WDTC1: variants seen among roughly 807,000 people sequenced by gnomAD.
WDTC1 encodes the protein WD and tetratricopeptide repeats 1, also known as WD and tetratricopeptide repeats protein 1.
In WDTC1, 12 loss-of-function variants were observed where a neutral mutation model predicts 76.0. That is an observed-to-expected ratio of 0.16 (90% CI 0.10 to 0.26). The LOEUF (loss-of-function observed/expected upper bound fraction) is 0.26, where lower values mean the gene tolerates loss of function less well. Ranked by LOEUF, WDTC1 falls within the 10% of genes least tolerant of loss-of-function variation. The pLI is 1.00. For synonymous variants in WDTC1, 326 were observed against 350.8 expected (o/e 0.93, Z 0.79); for missense variants, 511 against 908.8 (o/e 0.56, Z 5.63).
intron 3 of WDTC1, among the ~76,000 whole-genome samples, chr1:27,268,238 C>G (rs1224322782): frequency 6.6e-6 from 1 of 151,898 alleles, no homozygotes; most frequent in African/African-American, 2.4e-5. Context: ...CTCAGGAGTT[C>G]GAGACCAGCC....
At chr1:27,290,908 G>A (rs780943966) in intron 6 of WDTC1, among the ~76,000 whole-genome samples, 4 of 152,236 alleles carry the variant, frequency 2.6e-5, no homozygotes, top group Admixed American at 6.5e-5. Context: ...GTATTTGACT[G>A]GGGTAAGTCA....
chr1:27,234,514 G>T (rs2011443046), upstream of WDTC1: 2 of 353,760 alleles, frequency 5.7e-6, no homozygotes, highest in Non-Finnish European at 1.0e-5. Flanking sequence ...GCGCGGGGGG[G>T]TAAGTGGGGG....
At chr1:27,246,379 A>G (rs959065882) in intron 1 of WDTC1, among the ~76,000 whole-genome samples, 39 of 152,242 alleles carry the variant, frequency 2.6e-4, no homozygotes, top group African/African-American at 8.9e-4. Context: ...AGTTTCTTCC[A>G]TGTTGTTGTA....
chr1:27,243,402 A>G (rs1219589427), intron 1 of WDTC1, among the ~76,000 whole-genome samples: 3 of 151,808 alleles, frequency 2.0e-5, no homozygotes, highest in Admixed American at 1.3e-4. Context: ...TAATAGAGAC[A>G]GGGTTTCACC....
chr1:27,284,554 A>G (rs954238265), intron 5 of WDTC1, among the ~76,000 whole-genome samples: 1 of 152,154 alleles, frequency 6.6e-6, no homozygotes, highest in African/African-American at 2.4e-5. Flanking sequence ...TTATATGACT[A>G]ACGGAAACTG....
intron 14 of WDTC1, chr1:27,304,020 C>A: frequency 1.9e-6 from 1 of 526,342 alleles, no homozygotes. Flanking sequence ...ATAAGATAAC[C>A]CAAGTAGAGC....
rs145981380 is a variant in WDTC1 at position 27,298,507 on chromosome 1, T to C, written c.1232+396T>C. 1.8e-3 allele frequency among the ~76,000 whole-genome samples: 272 copies of C among 152,276 alleles called. 2 individuals carry two copies. The highest frequency in any genetic ancestry group is 5.1e-3 in the African/African-American group (210 of 41,564). On this transcript the variant is annotated intron_variant, in intron 12 of 15. Transcript: ENST00000319394. Reference sequence around the variant, plus strand: ...GAAATGAGGGGTTTGGTGAATTCAGTTGGTATGTGTCTAAAATATTCTGCA... The same window carrying C: ...GAAATGAGGGGTTTGGTGAATTCAGCTGGTATGTGTCTAAAATATTCTGCA...
In WDTC1 at chr1:27,294,645, G is replaced by A; in HGVS notation, c.873+16G>A. 6.2e-7 allele frequency: 1 copy of A among 1,611,112 alleles called. No homozygotes were observed. Among genetic ancestry groups the A allele is most frequent in the Non-Finnish European group, 8.5e-7 (1 of 1,177,690 alleles). Reference sequence around the variant, plus strand: ...GGGGGAACAGGTATGTACAGCATAAGGTGGTTCTGCCCCATCACCATTCCA... The same window carrying A: ...GGGGGAACAGGTATGTACAGCATAAAGTGGTTCTGCCCCATCACCATTCCA... On this transcript the variant is annotated intron_variant, in intron 9 of 15. Coordinates refer to ENST00000319394, the MANE Select transcript of WDTC1 (RefSeq NM_001276252.2).
rs201290829 is a variant in WDTC1, at chr1:27,296,373, C to T, written c.921C>T (p.Leu307=). Residue 307 remains leucine (L), a synonymous_variant, in exon 10 of 16, where the codon CTC becomes CTT. Transcript: ENST00000319394. ...LTYKQRPYTF[L]LPRKCHSSGE... ...ACAAGCAGCGGCCGTACACCTTCCT[C>T]TTGCCTAGAAAATGCCACTCCTCGG... 364 of 1,614,116 alleles carry T rather than the reference C, an allele frequency of 2.3e-4. 9 individuals are homozygous for T. In the East Asian group the frequency reaches 4.4e-3, roughly 20 times the overall value.
chr1:27,271,154 T>C (rs1253521354), intron 3 of WDTC1, among the ~76,000 whole-genome samples: 1 of 152,100 alleles, frequency 6.6e-6, no homozygotes, highest in East Asian at 1.9e-4. Flanking sequence ...AGGTATAAGG[T>C]AGAAGGGTAG....
At chr1:27,258,875 TGGC>T (rs1228229288) in intron 1 of WDTC1, among the ~76,000 whole-genome samples, 1 of 152,188 alleles carries the variant, frequency 6.6e-6, no homozygotes, top group East Asian at 1.9e-4. Flanking sequence ...TCCTAATGAC[TGGC>T]AGGGTTGGCA....
chr1:27,235,803 C>T (rs893872590), intron 1 of WDTC1, among the ~76,000 whole-genome samples: 1 of 152,050 alleles, frequency 6.6e-6, no homozygotes, highest in African/African-American at 2.4e-5. Context: ...TTCTTTTCTT[C>T]TGTGACTTTC....
intron 6 of WDTC1, among the ~76,000 whole-genome samples, chr1:27,289,416 C>T (rs1442525656): frequency 6.6e-6 from 1 of 151,640 alleles, no homozygotes. Context: ...CTCCTCACAT[C>T]TCAGACGATG....
chr1:27,297,090 GT>G lies in WDTC1; in HGVS notation c.993del (p.Val332CysfsTer25). The G allele has an allele frequency of 6.2e-7, 1 of 1,614,114 alleles. No homozygotes were observed. Among genetic ancestry groups the G allele is most frequent in the Non-Finnish European group, 8.5e-7 (1 of 1,179,992 alleles). On this transcript the variant is annotated frameshift_variant, in exon 11 of 16. Coordinates refer to ENST00000319394, the MANE Select transcript of WDTC1 (RefSeq NM_001276252.2). LOFTEE classifies it high-confidence loss of function. ...GKMSTNGVSN[G>X]VSNGLHLHSN... is the part of the protein sequence containing the mutation. ...ATGTCCACCAACGGTGTGTCCAACG[GT>G]GTGTCCAATGGCCTGCACCTTCATA...
intron 12 of WDTC1, among the ~76,000 whole-genome samples, chr1:27,300,628 G>GC (rs2013807130): frequency 6.6e-6 from 1 of 152,090 alleles, no homozygotes; most frequent in Non-Finnish European, 1.5e-5. Flanking sequence ...AGCTGACTCT[G>GC]CCAGACTGTC....
In WDTC1 at chr1:27,287,698, A is replaced by C; in HGVS notation, c.316A>C (p.Ile106Leu). ...GTTCCTGCCTCACGCTGGGGACCGC[A>C]TCTTGATCACGGGGGCAGCCGACTC... is the stretch of plus-strand genomic sequence containing the variant. ...VKFLPHAGDRILITGAADSKV... is the reference protein window; with the variant it reads ...VKFLPHAGDRLLITGAADSKV... The change falls in exon 6 of 16, where the codon ATC (isoleucine) becomes CTC (leucine). Residue 106 changes from isoleucine (I) to leucine (L), a missense_variant. By Grantham distance (5) the Ile-to-Leu change is conservative (BLOSUM62 2). Transcript: ENST00000319394. 1 of 1,613,742 alleles carries C rather than the reference A, an allele frequency of 6.2e-7. No homozygotes were observed. Among genetic ancestry groups the C allele is most frequent in the Non-Finnish European group, 8.5e-7 (1 of 1,179,894 alleles).
At chr1:27,297,191 C>T (rs1234246123) in intron 11 of WDTC1, 35 bp downstream of exon 11, 3 of 1,542,698 alleles carry the variant, frequency 1.9e-6, no homozygotes, top group East Asian at 2.4e-5. Context: ...CCTCCAAGCC[C>T]CAGTTACACT....
At position 27,306,619 on chromosome 1, in the gene WDTC1, C is replaced by A. The variant is rs533198363; in HGVS notation, c.*236C>A. The A allele has an allele frequency of 3.4e-6, 2 of 579,830 alleles. No individual in the cohort carries two copies. Among genetic ancestry groups the A allele is most frequent in the East Asian group, 3.0e-5 (1 of 33,890 alleles). The allele number at this position is 579,830 out of a possible 1,614,324, so 35.9% of individuals were successfully genotyped here. A position where few individuals can be genotyped will look rare whatever the true frequency, so the allele number is the denominator to read the frequency against. On this transcript the variant is annotated 3_prime_UTR_variant, in exon 16 of 16. Transcript: ENST00000319394. This position sits in a 1 kb window ranked among gnomAD's most constrained non-coding sequence, Gnocchi z 5.0. ...CTGAAAAAAAGAGCAGGAGGGGACACCCCTCCATATGCCCCCCCCCATCTC... is the reference window on the plus strand; with the variant it reads ...CTGAAAAAAAGAGCAGGAGGGGACAACCCTCCATATGCCCCCCCCCATCTC...
At chr1:27,235,394 CTGTGTGTGTGTGTGTGTGTGTG>C (rs139665541) in intron 1 of WDTC1, among the ~76,000 whole-genome samples, 4 of 141,116 alleles carry the variant, frequency 2.8e-5, no homozygotes, top group Admixed American at 7.2e-5. Context: ...CTCTCTCTTT[CTGTGTGTGTGTGTGTGTGTGTG>C]TGTGTGTGTG....
Sources: gnomAD v4.1 joint callset for allele counts (sites outside exome capture counted in the v4.1 genomes callset) on GRCh38, gnomAD v4.1.1 for gene constraint, Gnocchi (gnomAD v3.1) non-coding constraint, MANE v1.5 for transcripts, NCBI Gene and HGNC (gene_info 2026-07-23, HGNC 2026-07-21) for gene names.